Variants in CTNNB1 observed in about 807,000 individuals in gnomAD.
CTNNB1 encodes catenin beta 1.
A neutral mutation model predicts 82.5 loss-of-function variants in CTNNB1; 6 were observed. The ratio of observed to expected loss-of-function variants is 0.07; its 90% CI spans 0.04 to 0.14. The LOEUF is 0.14. Among genes scored for constraint, CTNNB1 ranks in the 10% least tolerant of loss-of-function variants. The pLI, the probability that CTNNB1 is intolerant of heterozygous loss-of-function variation, is 1.00. For synonymous variants in CTNNB1, 312 were observed against 329.7 expected, an observed-to-expected ratio of 0.95 and a Z score of 0.58; for missense variants, 529 against 980.4, an observed-to-expected ratio of 0.54 and a Z score of 6.15.
At chr3:41,226,187 C>CT (rs1178548881) in intron 6 of CTNNB1, among the ~76,000 whole-genome samples, 15 of 152,212 alleles carry the variant, frequency 9.9e-5, no homozygotes, top group African/African-American at 3.1e-4. Context: ...TCACCTGCCA[C>CT]TTACCTCCTG....
chr3:41,215,897 T>G (rs1432502372), intron 1 of CTNNB1, among the ~76,000 whole-genome samples: 1 of 152,202 alleles, frequency 6.6e-6, no homozygotes, highest in Non-Finnish European at 1.5e-5. Context: ...TTTTTTGGGC[T>G]GTAGTCACTG....
intron 7 of CTNNB1, among the ~76,000 whole-genome samples, chr3:41,230,652 G>C (rs753879196): frequency 3.3e-5 from 5 of 152,156 alleles, no homozygotes; most frequent in Non-Finnish European, 7.4e-5. Context: ...TAATGGGGAG[G>C]GGAATTGTCT....
At chr3:41,221,768 TCCTC>T (rs1355498897) in intron 1 of CTNNB1, 10 of 152,214 alleles carry the variant, frequency 6.6e-5, no homozygotes, top group Non-Finnish European at 1.5e-4. Flanking sequence ...TTTTAAGCAC[TCCTC>T]CCTCTTGATT....
rs747323395 is a variant in CTNNB1 at position 41,224,629 on chromosome 3, C to G, written c.117C>G (p.Ala39=). Residue 39 remains alanine, a synonymous_variant, in exon 3 of 15, where the codon GCC becomes GCG. Coordinates refer to ENST00000349496, the MANE Select transcript of CTNNB1 (RefSeq NM_001904.4). ...TGGACTCTGGAATCCATTCTGGTGC[C>G]ACTACCACAGCTCCTTCTCTGAGTG... ...SYLDSGIHSG[A]TTTAPSLSGK... is the part of the protein sequence containing the mutation. The G allele has an allele frequency of 4.3e-6, 7 of 1,613,862 alleles. No homozygotes were observed. Among genetic ancestry groups the G allele is most frequent in the Non-Finnish European group, 5.9e-6 (7 of 1,179,984 alleles).
intron 1 of CTNNB1, among the ~76,000 whole-genome samples, chr3:41,223,471 A>G (rs2078100078): frequency 6.6e-6 from 1 of 152,140 alleles, no homozygotes. Flanking sequence ...TTGAAAAGTA[A>G]TTTTTCTTTG....
intron 1 of CTNNB1, among the ~76,000 whole-genome samples, chr3:41,220,176 C>T (rs1362703068): frequency 1.3e-5 from 2 of 151,882 alleles, no homozygotes; most frequent in Non-Finnish European, 2.9e-5. Flanking sequence ...TTTTCCCAGC[C>T]ATAAAGAGAT....
Position 41,225,868 on chromosome 3 carries a change from G to C in CTNNB1, c.936+7G>C, listed in dbSNP as rs753607250. The C allele has an allele frequency of 6.2e-7, 1 of 1,609,978 alleles. No individual in the cohort carries two copies. Among genetic ancestry groups the C allele is most frequent in the South Asian group, 1.1e-5 (1 of 90,894 alleles). On this transcript the variant is annotated splice_region_variant and intron_variant, in intron 6 of 14. Coordinates refer to ENST00000349496, the MANE Select transcript of CTNNB1 (RefSeq NM_001904.4). The surrounding 1 kb of genome is among the most constrained non-coding windows in gnomAD (Gnocchi z 5.3). The stretch of plus-strand genomic sequence containing the variant: ...TGGCAACCAAGAAAGCAAGGTAAGA[G>C]AATTATTCTTTATGTGGTTTTCATG...
Position 41,236,333 on chromosome 3 carries a change from T to G in CTNNB1, c.1804-16T>G. 1 of 1,614,196 alleles carries G rather than the reference T, an allele frequency of 6.2e-7. No individual in the cohort carries two copies. The highest frequency in any genetic ancestry group is 8.5e-7 in the Non-Finnish European group (1 of 1,179,986). The stretch of plus-strand genomic sequence containing the variant: ...GCTTTAGATTTAATTAGGTTTTGTT[T>G]GTGTTTTCTCCTTAGCTGCTTTATT... On this transcript the variant is annotated splice_polypyrimidine_tract_variant and intron_variant, in intron 11 of 14. Transcript: ENST00000349496.
chr3:41,224,483 A>G (rs368498088), intron 2 of CTNNB1, 43 bp from the exon 3 acceptor site: 3 of 1,531,722 alleles, frequency 2.0e-6, no homozygotes, highest in African/African-American at 2.7e-5. Flanking sequence ...AATTAAAGTA[A>G]CATTTCCAAT....
chr3:41,203,012 A>G (rs2077568070), intron 1 of CTNNB1, among the ~76,000 whole-genome samples: 1 of 147,994 alleles, frequency 6.8e-6, no homozygotes. Flanking sequence ...TCACATTAGG[A>G]ACCCATTTTT....
intron 13 of CTNNB1, chr3:41,236,971 G>C (rs2078451460): frequency 1.7e-6 from 1 of 580,796 alleles, no homozygotes; most frequent in Middle Eastern, 4.5e-4. Flanking sequence ...AATGTTACCA[G>C]ATTAAAGAAG....
chr3:41,199,861 C>T (rs1236795041), intron 1 of CTNNB1, 191 bp downstream of exon 1: 1 of 150,802 alleles, frequency 6.6e-6, no homozygotes, highest in Non-Finnish European at 1.5e-5. Flanking sequence ...GGCGGCCGGG[C>T]CCGGGTTCCG....
Position 41,236,578 on chromosome 3 carries a change from T to C in CTNNB1, c.1955-10T>C, listed in dbSNP as rs2125646788. 1 of 1,614,218 alleles carries C rather than the reference T, an allele frequency of 6.2e-7. No individual in the cohort carries two copies. Among genetic ancestry groups the C allele is most frequent in the South Asian group, 1.1e-5 (1 of 91,084 alleles). ...TTTTCCTCAAGGGCCTTTTTCTCCT[T>C]GTCTCTTAGCGACATATGCAGCTGC... On this transcript the variant is annotated splice_polypyrimidine_tract_variant and intron_variant, in intron 12 of 14. Coordinates refer to ENST00000349496, the MANE Select transcript of CTNNB1 (RefSeq NM_001904.4).
intron 1 of CTNNB1, among the ~76,000 whole-genome samples, chr3:41,207,297 A>AT (rs1161220698): frequency 6.6e-6 from 1 of 152,146 alleles, no homozygotes; most frequent in African/African-American, 2.4e-5. Context: ...TTAAAATTTG[A>AT]TTTTTTAGAA....
At chr3:41,205,156 A>G (rs2077620414) in intron 1 of CTNNB1, among the ~76,000 whole-genome samples, 1 of 152,222 alleles carries the variant, frequency 6.6e-6, no homozygotes. Context: ...TTCTGTGTAT[A>G]CAACTCAAGT....
At chr3:41,215,497 T>G (rs1684421472) in intron 1 of CTNNB1, among the ~76,000 whole-genome samples, 1 of 152,154 alleles carries the variant, frequency 6.6e-6, no homozygotes, top group African/African-American at 2.4e-5. Context: ...CATTTTATTT[T>G]TTATTAGCAC....
chr3:41,222,952 C>T (rs541731669), intron 1 of CTNNB1, among the ~76,000 whole-genome samples: 1 of 152,216 alleles, frequency 6.6e-6, no homozygotes, highest in African/African-American at 2.4e-5. Flanking sequence ...GAAACTAAGG[C>T]CAGGTGTTGG....
At chr3:41,229,562 C>A (rs183193910) in intron 7 of CTNNB1, among the ~76,000 whole-genome samples, 18 of 152,112 alleles carry the variant, frequency 1.2e-4, no homozygotes, top group Admixed American at 9.2e-4. Context: ...ATTTTTATAT[C>A]CTGAAACTTT....
chr3:41,207,746 A>G (rs2077682444), intron 1 of CTNNB1, among the ~76,000 whole-genome samples: 2 of 152,118 alleles, frequency 1.3e-5, no homozygotes, highest in Non-Finnish European at 2.9e-5. Flanking sequence ...CAGTCGTTAG[A>G]AAATCCTTTA....
Sources: gnomAD v4.1 joint callset for allele counts (sites outside exome capture counted in the v4.1 genomes callset) on GRCh38, gnomAD v4.1.1 for gene constraint, Gnocchi (gnomAD v3.1) non-coding constraint, MANE v1.5 for transcripts, NCBI Gene and HGNC (gene_info 2026-07-23, HGNC 2026-07-21) for gene names.